COMMD10: variants seen among roughly 807,000 people sequenced by gnomAD.
COMMD10 encodes COMM domain containing 10.
COMMD10 carries 33 observed loss-of-function variants against 28.9 expected under a neutral mutation model. The ratio of observed to expected loss-of-function variants is 1.14; its 90% CI spans 0.87 to 1.53. COMMD10 has a LOEUF of 1.53. COMMD10 is among the 40% of genes most tolerant of loss of function. The pLI is 0.00. For missense variants in COMMD10, 310 were observed against 233.4 expected, an observed-to-expected ratio of 1.33 and a Z score of -2.14; for synonymous variants, 110 against 81.7, an observed-to-expected ratio of 1.35 and a Z score of -1.87.
rs780732647 is a variant in COMMD10, at chr5:116,092,701, G to A, written c.399+1G>A. 1.9e-6 allele frequency: 3 copies of A among 1,577,006 alleles called. No individual in the cohort carries two copies. The highest frequency in any genetic ancestry group is 1.4e-5 in the African/African-American group (1 of 73,952). On this transcript the variant is annotated splice_donor_variant, in intron 4 of 6. Coordinates refer to ENST00000274458, the MANE Select transcript of COMMD10 (RefSeq NM_016144.4). LOFTEE classifies it high-confidence loss of function. Reference sequence around the variant, plus strand: ...GCAGAGAATTCTGGCTCCCTGTAAGGTATAGAACATACTGTCTTAAATATG... The same window carrying A: ...GCAGAGAATTCTGGCTCCCTGTAAGATATAGAACATACTGTCTTAAATATG...
chr5:116,252,791 T>A lies in COMMD10; in HGVS notation c.511-38726T>A, dbSNP rs1349179617. ...TTGACTTGGCGATGCGGGCTCTTTT[T>A]TGGTTCCATATGAACTTTAAAGTAG... On this transcript the variant is annotated intron_variant, in intron 5 of 6. Transcript: ENST00000274458. Among the ~76,000 whole-genome samples the A allele has an allele frequency of 9.2e-5, 12 of 130,076 alleles. No homozygotes were observed. The South Asian group carries it at 2.9e-3, about 32-fold the overall frequency. 85.3% of individuals were successfully genotyped at this position (130,076 alleles called of 152,430 possible). A position where few individuals can be genotyped will look rare whatever the true frequency, so the allele number is the denominator to read the frequency against.
At chr5:116,111,827 A>G (rs867413003) in intron 4 of COMMD10, among the ~76,000 whole-genome samples, 4 of 152,066 alleles carry the variant, frequency 2.6e-5, no homozygotes, top group African/African-American at 9.7e-5. Context: ...ATGTTTGTTG[A>G]TTTTATGTCT....
At position 116,197,585 on chromosome 5, in the gene COMMD10, A is replaced by G. The variant is rs986934174; in HGVS notation, c.510+63407A>G. ...TTTTTTGTAGAGACAGGTTCTCACT[A>G]TGTTGCCCAGGCTGGTCTCAAACTG... is the stretch of plus-strand genomic sequence containing the variant. On this transcript the variant is annotated intron_variant, in intron 5 of 6. Transcript: ENST00000274458. Among the ~76,000 whole-genome samples the G allele has an allele frequency of 2.0e-5, 3 of 151,752 alleles. No homozygotes were observed. In the South Asian group the frequency reaches 6.2e-4, roughly 32 times the overall value.
chr5:116,146,351 T>C (rs927393411), intron 5 of COMMD10, among the ~76,000 whole-genome samples: 1 of 151,868 alleles, frequency 6.6e-6, no homozygotes, highest in South Asian at 2.1e-4. Flanking sequence ...ACCCCAGTGA[T>C]ACTATATCCA....
chr5:116,095,780 A>C (rs535453476), intron 4 of COMMD10, among the ~76,000 whole-genome samples: 13 of 151,988 alleles, frequency 8.6e-5, no homozygotes, highest in Non-Finnish European at 1.6e-4. Context: ...AAATCCATTT[A>C]CTGTTAATTT....
In COMMD10 at chr5:116,276,291, C is replaced by A. The variant is rs1017542307; in HGVS notation, c.511-15226C>A. Among the ~76,000 whole-genome samples the A allele has an allele frequency of 2.0e-5, 3 of 151,546 alleles. 1 individual carries two copies. Among genetic ancestry groups the A allele is most frequent in the African/African-American group, 4.9e-5 (2 of 41,022 alleles). On this transcript the variant is annotated intron_variant, in intron 5 of 6. Coordinates refer to ENST00000274458, the MANE Select transcript of COMMD10 (RefSeq NM_016144.4). ...TTTTGAGATGGACTTCTGCTTTTGT[C>A]ACCCAGGCTGTAGTGCAATGGCACT... is the stretch of plus-strand genomic sequence containing the variant.
intron 5 of COMMD10, among the ~76,000 whole-genome samples, chr5:116,159,880 C>A (rs1343356865): frequency 2.0e-5 from 3 of 152,098 alleles, no homozygotes; most frequent in Admixed American, 1.3e-4. Context: ...TGGAAAAATG[C>A]TTAATTCTCC....
At chr5:116,212,522 G>GTGTGTGTGTGTGTGTGTGTGTGTGTATA (rs71223098) in intron 5 of COMMD10, among the ~76,000 whole-genome samples, 1 of 132,040 alleles carries the variant, frequency 7.6e-6, no homozygotes, top group Non-Finnish European at 1.7e-5. Context: ...GTGTGTGTGT[G>GTGTGTGTGTGTGTGTGTGTGTGTGTATA]TAGAATGTGA....
chr5:116,226,647 A>G (rs567381570), intron 5 of COMMD10, among the ~76,000 whole-genome samples: 2 of 131,460 alleles, frequency 1.5e-5, no homozygotes, highest in African/African-American at 3.8e-5. Context: ...CAAGCCCTGT[A>G]GTAACACAAG....
At position 116,116,197 on chromosome 5, in the gene COMMD10, G is replaced by C. The variant is rs544710612; in HGVS notation, c.400-17871G>C. On this transcript the variant is annotated intron_variant, in intron 4 of 6. Transcript: ENST00000274458. ...TTAAAAAAATCCCCTTTAAGCCATTGTAAGATTTACTTTATTGTTAACAAC... is the reference window on the plus strand; with the variant it reads ...TTAAAAAAATCCCCTTTAAGCCATTCTAAGATTTACTTTATTGTTAACAAC... Among the ~76,000 whole-genome samples, 15 of 152,050 alleles carry C rather than the reference G, an allele frequency of 9.9e-5. No homozygotes were observed. In the South Asian group the frequency reaches 2.9e-3, roughly 29 times the overall value.
intron 4 of COMMD10, among the ~76,000 whole-genome samples, chr5:116,101,248 G>T (rs935147291): frequency 6.6e-6 from 1 of 152,040 alleles, no homozygotes; most frequent in African/African-American, 2.4e-5. Context: ...TTTCCTCTGG[G>T]TAGATGCCCC....
At chr5:116,171,508 A>C (rs1039639892) in intron 5 of COMMD10, among the ~76,000 whole-genome samples, 1 of 152,004 alleles carries the variant, frequency 6.6e-6, no homozygotes, top group African/African-American at 2.4e-5. Flanking sequence ...AAATCATTCT[A>C]CTATAAAGAC....
chr5:116,227,574 C>G (rs754406363), intron 5 of COMMD10, among the ~76,000 whole-genome samples: 7 of 152,116 alleles, frequency 4.6e-5, no homozygotes, highest in African/African-American at 7.2e-5. Flanking sequence ...AACCCGTCCA[C>G]TATTACCTGT....
chr5:116,144,514 G>T (rs944554172), intron 5 of COMMD10, among the ~76,000 whole-genome samples: 1 of 151,858 alleles, frequency 6.6e-6, no homozygotes, highest in Non-Finnish European at 1.5e-5. Flanking sequence ...TGACTCCATA[G>T]TCTGAGCTTA....
rs1054663449 is a variant in COMMD10, at chr5:116,190,099, C to T, written c.510+55921C>T. 2.6e-5 allele frequency among the ~76,000 whole-genome samples: 4 copies of T among 152,196 alleles called. No homozygotes were observed. In the South Asian group the frequency reaches 8.3e-4, roughly 32 times the overall value. ...GATTGGATGAGTATATATCAGGGTACCTCCACTGAAAGATAGCTATTGCAG... is the reference window on the plus strand; with the variant it reads ...GATTGGATGAGTATATATCAGGGTATCTCCACTGAAAGATAGCTATTGCAG... On this transcript the variant is annotated intron_variant, in intron 5 of 6. Coordinates refer to ENST00000274458, the MANE Select transcript of COMMD10 (RefSeq NM_016144.4).
chr5:116,085,396 A>G (rs1355766682), intron 1 of COMMD10: 2 of 416,650 alleles, frequency 4.8e-6, no homozygotes, highest in Non-Finnish European at 8.6e-6. Context: ...GTTTGGTATC[A>G]GAAGTTCCCG....
intron 5 of COMMD10, among the ~76,000 whole-genome samples, chr5:116,203,388 A>G (rs1013028892): frequency 1.1e-4 from 17 of 152,244 alleles, no homozygotes; most frequent in African/African-American, 4.1e-4. Flanking sequence ...AAATACAGAG[A>G]ACGCCACAAA....
At chr5:116,110,684 G>C (rs931593261) in intron 4 of COMMD10, among the ~76,000 whole-genome samples, 2 of 152,134 alleles carry the variant, frequency 1.3e-5, no homozygotes, top group Non-Finnish European at 2.9e-5. Flanking sequence ...TTATGGTTCT[G>C]CAGGCTGTAC....
At position 116,292,836 on chromosome 5, in the gene COMMD10, C is replaced by T. The variant is rs536448916; in HGVS notation, c.*347C>T. On this transcript the variant is annotated 3_prime_UTR_variant, in exon 7 of 7. Transcript: ENST00000274458. Reference sequence around the variant, plus strand: ...GATGATACCATAATGTATCAAGGAGCGTCCATGGATACAAGATAAGATGTG... The same window carrying T: ...GATGATACCATAATGTATCAAGGAGTGTCCATGGATACAAGATAAGATGTG... 4.1e-5 allele frequency: 16 copies of T among 394,856 alleles called. No homozygotes were observed. Among genetic ancestry groups the T allele is most frequent in the Admixed American group, 2.6e-4 (6 of 22,684 alleles). 24.5% of individuals were successfully genotyped at this position (394,856 alleles called of 1,614,324 possible).
Sources: allele counts gnomAD v4.1 joint callset (sites outside exome capture counted in the v4.1 genomes callset), GRCh38; gene constraint gnomAD v4.1.1; transcripts MANE v1.5; gene names NCBI Gene and HGNC (gene_info 2026-07-23, HGNC 2026-07-21).